ADAMTSL1: variants seen among roughly 807,000 people sequenced by gnomAD.
ADAMTSL1 encodes the protein ADAMTS-like protein 1.
ADAMTSL1 carries 126 observed loss-of-function variants against 201.8 expected under a neutral mutation model. The observed-to-expected ratio is 0.62, with a 90% CI of 0.54 to 0.72. The LOEUF (loss-of-function observed/expected upper bound fraction) is 0.72, where lower values mean the gene tolerates loss of function less well. ADAMTSL1 is among the 30% of genes least tolerant of loss of function. ADAMTSL1 has a pLI of 0.00. For missense variants in ADAMTSL1, 2,679 were observed against 2,277.8 expected (o/e 1.18, Z -3.59); for synonymous variants, 1,121 against 903.4 (o/e 1.24, Z -4.32).
chr9:18,569,093 C>G (rs1822127350), intron 3 of ADAMTSL1, among the ~76,000 whole-genome samples: 1 of 152,158 alleles, frequency 6.6e-6, no homozygotes, highest in Non-Finnish European at 1.5e-5. Flanking sequence ...GTACATTTCA[C>G]CCGGTGAGTA....
At chr9:18,847,499 C>A (rs1399474914) in intron 23 of ADAMTSL1, among the ~76,000 whole-genome samples, 1 of 152,138 alleles carries the variant, frequency 6.6e-6, no homozygotes, top group African/African-American at 2.4e-5. Context: ...GTAATAAGTG[C>A]TATAAAGAAA....
intron 2 of ADAMTSL1, among the ~76,000 whole-genome samples, chr9:18,510,515 C>G (rs1429667164): frequency 6.6e-6 from 1 of 152,096 alleles, no homozygotes; most frequent in Non-Finnish European, 1.5e-5. Context: ...TCTCCCCTAC[C>G]CTTTTTCTGA....
intron 1 of ADAMTSL1, among the ~76,000 whole-genome samples, chr9:18,112,665 G>T (rs555015482): frequency 6.6e-6 from 1 of 152,060 alleles, no homozygotes; most frequent in African/African-American, 2.4e-5. Flanking sequence ...ACAGAAGTGT[G>T]CATACATAGT....
chr9:18,614,836 A>C (rs999977159), intron 4 of ADAMTSL1, among the ~76,000 whole-genome samples: 1 of 152,172 alleles, frequency 6.6e-6, no homozygotes, highest in Non-Finnish European at 1.5e-5. Flanking sequence ...TGGAACAACA[A>C]ACAGAGGACT....
chr9:17,998,860 G>C (rs1283572195), intron 1 of ADAMTSL1, among the ~76,000 whole-genome samples: 6 of 152,018 alleles, frequency 3.9e-5, no homozygotes, highest in African/African-American at 1.4e-4. Flanking sequence ...TCTGAGAGGA[G>C]ACAACAGAAA....
chr9:18,244,448 T>C (rs1831183396), intron 2 of ADAMTSL1, among the ~76,000 whole-genome samples: 1 of 152,044 alleles, frequency 6.6e-6, no homozygotes, highest in South Asian at 2.1e-4. Context: ...ATTTTCACAT[T>C]TTTCATCCCA....
chr9:18,860,704 GA>G (rs950944472), intron 23 of ADAMTSL1, among the ~76,000 whole-genome samples: 2 of 152,014 alleles, frequency 1.3e-5, no homozygotes, highest in African/African-American at 4.8e-5. Context: ...ATTTTAAGGG[GA>G]AAAAATCTCA....
chr9:18,706,531 T>G, intron 13 of ADAMTSL1: 1 of 517,544 alleles, frequency 1.9e-6, no homozygotes, highest in South Asian at 3.1e-5. Flanking sequence ...CAGCTGGGAG[T>G]TCATGTGACA....
intron 2 of ADAMTSL1, among the ~76,000 whole-genome samples, chr9:18,315,047 C>T (rs10963572): frequency 1.3e-5 from 2 of 151,770 alleles, no homozygotes; most frequent in African/African-American, 4.8e-5. Context: ...CCGCCCGCCT[C>T]GGCCTCCCAA....
At chr9:18,487,584 A>G (rs1348651642) in intron 1 of ADAMTSL1, among the ~76,000 whole-genome samples, 1 of 152,204 alleles carries the variant, frequency 6.6e-6, no homozygotes, top group Non-Finnish European at 1.5e-5. Flanking sequence ...CTAGGTGCCA[A>G]GTACTGTGCT....
At chr9:18,207,862 A>T (rs547610422) in intron 2 of ADAMTSL1, among the ~76,000 whole-genome samples, 17 of 151,370 alleles carry the variant, frequency 1.1e-4, no homozygotes, top group Middle Eastern at 3.4e-3. Flanking sequence ...CTAAGAGGAT[A>T]TAAATATAGA....
At chr9:17,968,282 G>C (rs929874209) in intron 1 of ADAMTSL1, among the ~76,000 whole-genome samples, 2 of 152,012 alleles carry the variant, frequency 1.3e-5, no homozygotes, top group African/African-American at 4.8e-5. Flanking sequence ...CCTTCTTCAG[G>C]TATGGATGCA....
At chr9:18,060,897 A>T (rs538675617) in intron 1 of ADAMTSL1, among the ~76,000 whole-genome samples, 8 of 152,212 alleles carry the variant, frequency 5.3e-5, no homozygotes, top group Non-Finnish European at 7.4e-5. Flanking sequence ...AATGGCAAAC[A>T]TTTAAAAACT....
chr9:18,303,947 G>A (rs1833803376), intron 2 of ADAMTSL1, among the ~76,000 whole-genome samples: 1 of 152,068 alleles, frequency 6.6e-6, no homozygotes, highest in Admixed American at 6.5e-5. Context: ...GGGTAGATCA[G>A]TAGGGAGGTG....
intron 3 of ADAMTSL1, among the ~76,000 whole-genome samples, chr9:18,559,203 C>T (rs1821311580): frequency 6.6e-6 from 1 of 152,062 alleles, no homozygotes; most frequent in Admixed American, 6.6e-5. Flanking sequence ...AGGAAGTGGT[C>T]CAGTTTCAGT....
intron 2 of ADAMTSL1, among the ~76,000 whole-genome samples, chr9:18,440,169 A>G (rs968791432): frequency 1.3e-5 from 2 of 152,144 alleles, no homozygotes; most frequent in African/African-American, 4.8e-5. Context: ...GCTTTTACAC[A>G]TACAGGAGTT....
At chr9:18,886,187 T>TACAC (rs1287521406) in intron 23 of ADAMTSL1, among the ~76,000 whole-genome samples, 66 of 127,016 alleles carry the variant, frequency 5.2e-4, no homozygotes, top group East Asian at 1.0e-3. Flanking sequence ...TATATATATA[T>TACAC]ATATATATAT....
intron 4 of ADAMTSL1, among the ~76,000 whole-genome samples, chr9:18,601,845 A>G (rs1199052656): frequency 6.6e-6 from 1 of 151,830 alleles, no homozygotes; most frequent in African/African-American, 2.4e-5. Context: ...TATATAGTGT[A>G]TATTGAAGTA....
At chr9:18,304,301 C>A (rs189683469) in intron 2 of ADAMTSL1, among the ~76,000 whole-genome samples, 11 of 152,128 alleles carry the variant, frequency 7.2e-5, no homozygotes, top group African/African-American at 2.4e-4. Flanking sequence ...CTGCCCCTAC[C>A]CTCAACATGC....
Sources: allele counts gnomAD v4.1 joint callset (sites outside exome capture counted in the v4.1 genomes callset), GRCh38; gene constraint gnomAD v4.1.1; transcripts MANE v1.5; gene names NCBI Gene and HGNC (gene_info 2026-07-23, HGNC 2026-07-21).